NSMCE2: variants seen among roughly 807,000 people sequenced by gnomAD.
NSMCE2 encodes the protein NSE2 SUMO ligase component of SMC5/6 complex, also known as E3 SUMO-protein ligase NSE2.
A neutral mutation model predicts 23.8 loss-of-function variants in NSMCE2; 24 were observed. The ratio of observed to expected loss-of-function variants is 1.01; its 90% CI spans 0.73 to 1.42. The LOEUF (loss-of-function observed/expected upper bound fraction) is 1.42, where lower values mean the gene tolerates loss of function less well. Among genes scored for constraint, NSMCE2 ranks in the 40% most tolerant of loss-of-function variants. The pLI, the probability that NSMCE2 is intolerant of heterozygous loss-of-function variation, is 0.00. For synonymous variants in NSMCE2, 92 were observed against 94.1 expected (o/e 0.98, Z 0.13); for missense variants, 284 against 296.5 (o/e 0.96, Z 0.31).
At chr8:125,365,412 T>C (rs1813738594) in intron 7 of NSMCE2, among the ~76,000 whole-genome samples, 1 of 152,194 alleles carries the variant, frequency 6.6e-6, no homozygotes, top group Admixed American at 6.5e-5. Context: ...TCCTGCACCC[T>C]GCAGGATCCC....
At chr8:125,146,338 T>G (rs1438757835) in intron 3 of NSMCE2, among the ~76,000 whole-genome samples, 2 of 152,226 alleles carry the variant, frequency 1.3e-5, no homozygotes, top group Non-Finnish European at 2.9e-5. Context: ...TAACTACCTT[T>G]GTGGCCTTGA....
Position 125,237,734 on chromosome 8 carries a change from G to A in NSMCE2, c.418+55478G>A, listed in dbSNP as rs78038926. Among the ~76,000 whole-genome samples the A allele has an allele frequency of 1.2e-3, 177 of 152,272 alleles. 1 individual carries two copies. Among genetic ancestry groups the A allele is most frequent in the African/African-American group, 4.0e-3 (165 of 41,552 alleles). Reference sequence around the variant, plus strand: ...ATTCCTGAGTCCAGTCAGTGAGACCGGGTATCAGAGTCTGCAAGGCTTATC... The same window carrying A: ...ATTCCTGAGTCCAGTCAGTGAGACCAGGTATCAGAGTCTGCAAGGCTTATC... On this transcript the variant is annotated intron_variant, in intron 5 of 7. Transcript: ENST00000287437.
At position 125,358,327 on chromosome 8, in the gene NSMCE2, T is replaced by C. The variant is rs576404705; in HGVS notation, c.626+509T>C. On this transcript the variant is annotated intron_variant, in intron 7 of 7. Transcript: ENST00000287437. ...CAACCTGGGCAACAGAGCTAGACTC[T>C]GTCTCAAAAAAAAAAAAAGGTTTAG... Among the ~76,000 whole-genome samples, 8 of 150,578 alleles carry C rather than the reference T, an allele frequency of 5.3e-5. No homozygotes were observed. In the East Asian group the frequency reaches 1.4e-3, roughly 26 times the overall value.
chr8:125,140,160 A>G (rs1204492523), intron 3 of NSMCE2, among the ~76,000 whole-genome samples: 3 of 152,222 alleles, frequency 2.0e-5, no homozygotes, highest in African/African-American at 7.2e-5. Flanking sequence ...TTTTTTAGTC[A>G]TATGCTTTAT....
chr8:125,304,196 A>G (rs769906786), intron 5 of NSMCE2, among the ~76,000 whole-genome samples: 2 of 152,226 alleles, frequency 1.3e-5, no homozygotes, highest in African/African-American at 2.4e-5. Context: ...ATTCGACTCT[A>G]ATCTATAAAA....
chr8:125,102,605 G>T, intron 3 of NSMCE2, 118 bp downstream of exon 3: 1 of 756,096 alleles, frequency 1.3e-6, no homozygotes, highest in East Asian at 2.5e-5. Flanking sequence ...CTAGGCATCT[G>T]TTGTCTCATT....
intron 5 of NSMCE2, among the ~76,000 whole-genome samples, chr8:125,351,027 C>T (rs1199991913): frequency 6.6e-6 from 1 of 151,886 alleles, no homozygotes; most frequent in African/African-American, 2.4e-5. Context: ...GGTGTAGAAC[C>T]AGAGTCAGCA....
At chr8:125,204,151 T>A (rs889199174) in intron 5 of NSMCE2, among the ~76,000 whole-genome samples, 1 of 152,130 alleles carries the variant, frequency 6.6e-6, no homozygotes, top group Non-Finnish European at 1.5e-5. Context: ...TGACCTTTTT[T>A]CCCCCATGGG....
rs112938104 is a variant in NSMCE2 at position 125,341,560 on chromosome 8, C to T, written c.419-15659C>T. ...TCTCCTTATGTGGTTTTTGTTACTG[C>T]GTTGATTCATCTGTTAGTTTTTTTT... On this transcript the variant is annotated intron_variant, in intron 5 of 7. Transcript: ENST00000287437. Among the ~76,000 whole-genome samples the T allele has an allele frequency of 2.7e-3, 406 of 152,118 alleles. 1 individual carries two copies. The highest frequency in any genetic ancestry group is 9.3e-3 in the African/African-American group (386 of 41,478).
chr8:125,193,742 A>C (rs965531655), intron 5 of NSMCE2, among the ~76,000 whole-genome samples: 1 of 152,194 alleles, frequency 6.6e-6, no homozygotes, highest in Non-Finnish European at 1.5e-5. Flanking sequence ...ATTTCAGAAG[A>C]ATTGAAAGAA....
At chr8:125,276,897 A>T (rs1827470222) in intron 5 of NSMCE2, among the ~76,000 whole-genome samples, 1 of 152,074 alleles carries the variant, frequency 6.6e-6, no homozygotes, top group Non-Finnish European at 1.5e-5. Flanking sequence ...TGACCACTGC[A>T]TTGCACAACT....
chr8:125,231,683 AAC>A (rs1825329750), intron 5 of NSMCE2, among the ~76,000 whole-genome samples: 2 of 152,312 alleles, frequency 1.3e-5, no homozygotes, highest in African/African-American at 2.4e-5. Context: ...TTTTCACTTA[AAC>A]ATACAGTTGT....
At chr8:125,194,540 A>G (rs918064263) in intron 5 of NSMCE2, among the ~76,000 whole-genome samples, 3 of 152,202 alleles carry the variant, frequency 2.0e-5, no homozygotes, top group Admixed American at 6.5e-5. Flanking sequence ...GCCATTATGA[A>G]TAAAACTGCT....
At chr8:125,292,061 C>T (rs1261973876) in intron 5 of NSMCE2, among the ~76,000 whole-genome samples, 1 of 152,024 alleles carries the variant, frequency 6.6e-6, no homozygotes, top group African/African-American at 2.4e-5. Context: ...ATCACTTCCA[C>T]TCTCATTTCA....
At chr8:125,350,785 G>C (rs879795256) in intron 5 of NSMCE2, among the ~76,000 whole-genome samples, 4 of 152,170 alleles carry the variant, frequency 2.6e-5, no homozygotes, top group Non-Finnish European at 5.9e-5. Context: ...CCCACAATAT[G>C]TGGGAATTCA....
intron 1 of NSMCE2, among the ~76,000 whole-genome samples, chr8:125,095,357 G>A (rs913592108): frequency 3.3e-5 from 5 of 152,054 alleles, no homozygotes; most frequent in African/African-American, 1.2e-4. Context: ...GAGAGGCCGA[G>A]TTGGGAGGAT....
chr8:125,209,889 T>C (rs1824256743), intron 5 of NSMCE2, among the ~76,000 whole-genome samples: 1 of 152,240 alleles, frequency 6.6e-6, no homozygotes, highest in South Asian at 2.1e-4. Flanking sequence ...CCAAAGAGAA[T>C]ATATCACAGA....
chr8:125,182,701 T>C, intron 5 of NSMCE2: 1 of 181,432 alleles, frequency 5.5e-6, no homozygotes, highest in Non-Finnish European at 1.1e-5. Context: ...TCTTCTCAAC[T>C]ATAGACCAAA....
chr8:125,220,359 A>T (rs1824793771), intron 5 of NSMCE2, among the ~76,000 whole-genome samples: 1 of 152,196 alleles, frequency 6.6e-6, no homozygotes, highest in African/African-American at 2.4e-5. Flanking sequence ...TGTAGGGAAC[A>T]TGATTAAAAA....
Sources: allele counts gnomAD v4.1 joint callset (sites outside exome capture counted in the v4.1 genomes callset), GRCh38; gene constraint gnomAD v4.1.1; transcripts MANE v1.5; gene names NCBI Gene and HGNC (gene_info 2026-07-23, HGNC 2026-07-21).